Variants in VTCN1 observed in about 807,000 individuals in gnomAD.
The protein encoded by VTCN1 is V-set domain containing T cell activation inhibitor 1, also known as V-set domain-containing T-cell activation inhibitor 1.
A neutral mutation model predicts 26.5 loss-of-function variants in VTCN1; 26 were observed. The ratio of observed to expected loss-of-function variants is 0.98; its 90% confidence interval spans 0.72 to 1.36. The LOEUF (loss-of-function observed/expected upper bound fraction) is 1.36, where lower values mean the gene tolerates loss of function less well. VTCN1 is among the 40% of genes most tolerant of loss of function. The pLI is 0.00. For missense variants in VTCN1, 298 were observed against 337.7 expected, an observed-to-expected ratio of 0.88 and a Z score of 0.92; for synonymous variants, 116 against 130.7, an observed-to-expected ratio of 0.89 and a Z score of 0.77.
chr1:117,170,319 G>C, intron 1 of VTCN1, 148 bp from the exon 2 acceptor site: 1 of 788,828 alleles, frequency 1.3e-6, no homozygotes, highest in Non-Finnish European at 2.2e-6. Flanking sequence ...TCCTAGAAAC[G>C]GGTACCTTAG....
At chr1:117,177,573 A>C (rs1647421535) in intron 1 of VTCN1, among the ~76,000 whole-genome samples, 3 of 152,192 alleles carry the variant, frequency 2.0e-5, no homozygotes. Flanking sequence ...ATGGCAGCAG[A>C]TGGCCAGGCT....
chr1:117,178,382 G>A (rs568926301), intron 1 of VTCN1, among the ~76,000 whole-genome samples: 26 of 150,004 alleles, frequency 1.7e-4, no homozygotes, highest in Non-Finnish European at 3.3e-4. Context: ...TTAGCCTCCT[G>A]AGTAGCTGGG....
At chr1:117,185,634 C>T (rs1205488258) in intron 1 of VTCN1, among the ~76,000 whole-genome samples, 1 of 152,210 alleles carries the variant, frequency 6.6e-6, no homozygotes, top group Admixed American at 6.5e-5. Flanking sequence ...TTACAATCAA[C>T]ACAGGCTTTA....
intron 3 of VTCN1, among the ~76,000 whole-genome samples, chr1:117,154,783 CAAAAA>C (rs916361996): frequency 1.3e-3 from 51 of 39,916 alleles, no homozygotes; most frequent in African/African-American, 3.7e-3. Flanking sequence ...AACTCCATCT[CAAAAA>C]AAAAAAAAAA....
rs1651975498 is a variant in VTCN1 at position 117,154,717 on chromosome 1, A to G, written c.446-1348T>C. Among the ~76,000 whole-genome samples the G allele has an allele frequency of 2.1e-5, 3 of 142,522 alleles. No homozygotes were observed. In the South Asian group the frequency reaches 7.3e-4, roughly 35 times the overall value. The allele number at this position is 142,522 out of a possible 152,430, so 93.5% of individuals were successfully genotyped here. A position where few individuals can be genotyped will look rare whatever the true frequency, so the allele number is the denominator to read the frequency against. On this transcript the variant is annotated intron_variant, in intron 3 of 5. Transcript: ENST00000369458. ...AGAATCACTTGAACCTGGGAGGCGC[A>G]GGTTGCTGTGAGCCGAGATCGTGCT...
At chr1:117,148,781 C>G (rs1651645556) in intron 4 of VTCN1, among the ~76,000 whole-genome samples, 1 of 152,196 alleles carries the variant, frequency 6.6e-6, no homozygotes, top group South Asian at 2.1e-4. Context: ...ACCTTTAGTG[C>G]TGAAAATATG....
At chr1:117,153,393 G>A (rs778521957) in intron 3 of VTCN1, 24 bp from the exon 4 acceptor site, 2 of 1,585,492 alleles carry the variant, frequency 1.3e-6, no homozygotes, top group Middle Eastern at 1.7e-4. Flanking sequence ...AGTCAGAAAG[G>A]GCAGATGCCA....
chr1:117,204,174 G>A (rs764621422), intron 1 of VTCN1, among the ~76,000 whole-genome samples: 7 of 152,120 alleles, frequency 4.6e-5, no homozygotes, highest in Non-Finnish European at 8.8e-5. Context: ...AACATCGGAG[G>A]GAATAATTTG....
rs1651547529 is a variant in VTCN1 at position 117,147,019 on chromosome 1, C to A, written c.*45+594G>T. Among the ~76,000 whole-genome samples, 1 of 152,120 alleles carries A rather than the reference C, an allele frequency of 6.6e-6. No homozygotes were observed. ...GACAAAAATAGCTCTGAGGCTGTAA[C>A]CCTGGAGGCTTGGTGGGGATGCCAC... On this transcript the variant is annotated intron_variant, in intron 5 of 5. Transcript: ENST00000369458. The surrounding 1 kb of genome is among the most constrained non-coding windows in gnomAD (Gnocchi z 4.6).
In VTCN1 at chr1:117,146,536, A is replaced by G. The variant is rs1180755809; in HGVS notation, c.*45+1077T>C. 1.3e-5 allele frequency among the ~76,000 whole-genome samples: 2 copies of G among 152,214 alleles called. No homozygotes were observed. The highest frequency in any genetic ancestry group is 1.3e-4 in the Admixed American group (2 of 15,272). On this transcript the variant is annotated intron_variant, in intron 5 of 5. Transcript: ENST00000369458. This position sits in a 1 kb window ranked among gnomAD's most constrained non-coding sequence, Gnocchi z 4.2. Reference sequence around the variant, plus strand: ...ATACAAAGACTCTTGGGGAGGTGGGATATAAGCTAGGAAGCATTTTCCTAA... The same window carrying G: ...ATACAAAGACTCTTGGGGAGGTGGGGTATAAGCTAGGAAGCATTTTCCTAA...
rs1652788452 is a variant in VTCN1, at chr1:117,169,577, G to T, written c.97+530C>A. Among the ~76,000 whole-genome samples, 1 of 152,146 alleles carries T rather than the reference G, an allele frequency of 6.6e-6. No individual in the cohort carries two copies. The highest frequency in any genetic ancestry group is 1.5e-5 in the Non-Finnish European group (1 of 68,032). On this transcript the variant is annotated intron_variant, in intron 2 of 5. Coordinates refer to ENST00000369458, the MANE Select transcript of VTCN1 (RefSeq NM_024626.4). This position sits in a 1 kb window ranked among gnomAD's most constrained non-coding sequence, Gnocchi z 4.0. ...ATTATCTCAACTAACTGGTGATGTT[G>T]ACAGTATCTCCCCACTCAAAAATGA...
intron 1 of VTCN1, among the ~76,000 whole-genome samples, chr1:117,205,063 ATATATG>A (rs1648975129): frequency 1.4e-5 from 2 of 146,904 alleles, no homozygotes; most frequent in Admixed American, 1.4e-4. Flanking sequence ...ATATATATGT[ATATATG>A]TATATGTACA....
Position 117,147,762 on chromosome 1 carries a change from T to G in VTCN1, c.745A>C (p.Ser249Arg). 6.2e-7 allele frequency: 1 copy of G among 1,613,678 alleles called. No individual in the cohort carries two copies. The change falls in exon 5 of 6, where the codon AGT (serine) becomes CGT (arginine). Residue 249 changes from serine to arginine, a missense_variant. Coordinates refer to ENST00000369458, the MANE Select transcript of VTCN1 (RefSeq NM_024626.4). This position sits in a 1 kb window ranked among gnomAD's most constrained non-coding sequence, Gnocchi z 4.6. ...KVTESEIKRR[S>R]HLQLLNSKAS... ...TTTGAGTTTAGCAGCTGTAGGTGAC[T>G]CCGCCTTTTGATCTCCGATTCTGTG... is the stretch of plus-strand genomic sequence containing the variant.
Position 117,153,304 on chromosome 1 carries a change from G to T in VTCN1, c.511C>A (p.Pro171Thr), listed in dbSNP as rs773853137. ...ACTGTGGGCTGGGGGAACCATCGGGGAGCCTCACACCGCAAGGTCTCTGAG... is the reference window on the plus strand; with the variant it reads ...ACTGTGGGCTGGGGGAACCATCGGGTAGCCTCACACCGCAAGGTCTCTGAG... Reference protein sequence around the residue: ...ASSETLRCEAPRWFPQPTVVW... With the variant: ...ASSETLRCEATRWFPQPTVVW... The change falls in exon 4 of 6, where the codon CCC becomes ACC. Residue 171 changes from proline (P) to threonine (T), a missense_variant. Coordinates refer to ENST00000369458, the MANE Select transcript of VTCN1 (RefSeq NM_024626.4). 3.1e-6 allele frequency: 5 copies of T among 1,614,072 alleles called. No individual in the cohort carries two copies. In the East Asian group the frequency reaches 1.1e-4, roughly 36 times the overall value.
rs963722162 is a variant in VTCN1, at chr1:117,159,813, T to A, written c.98-2892A>T. On this transcript the variant is annotated intron_variant, in intron 2 of 5. Coordinates refer to ENST00000369458, the MANE Select transcript of VTCN1 (RefSeq NM_024626.4). This position sits in a 1 kb window ranked among gnomAD's most constrained non-coding sequence, Gnocchi z 4.7. The stretch of plus-strand genomic sequence containing the variant: ...ATAACTGATTTGATCAAGTTTACAG[T>A]GCTAGCTATAGCATAATGAAGAACT... Among the ~76,000 whole-genome samples the A allele has an allele frequency of 6.6e-6, 1 of 152,230 alleles. No individual in the cohort carries two copies.
Position 117,169,313 on chromosome 1 carries a change from A to G in VTCN1, c.97+794T>C, listed in dbSNP as rs189840726. Among the ~76,000 whole-genome samples, 8 of 152,336 alleles carry G rather than the reference A, an allele frequency of 5.3e-5. No individual in the cohort carries two copies. In the East Asian group the frequency reaches 1.5e-3, roughly 29 times the overall value. On this transcript the variant is annotated intron_variant, in intron 2 of 5. Coordinates refer to ENST00000369458, the MANE Select transcript of VTCN1 (RefSeq NM_024626.4). This position sits in a 1 kb window ranked among gnomAD's most constrained non-coding sequence, Gnocchi z 4.0. Reference sequence around the variant, plus strand: ...CGTTCAGAAACTAACCATCTGTGCTACAGCGGTATCTGTTTCCTACATGGT... The same window carrying G: ...CGTTCAGAAACTAACCATCTGTGCTGCAGCGGTATCTGTTTCCTACATGGT...
intron 1 of VTCN1, among the ~76,000 whole-genome samples, chr1:117,172,171 T>C (rs1054281040): frequency 1.1e-4 from 17 of 152,094 alleles, no homozygotes; most frequent in Admixed American, 7.9e-4. Flanking sequence ...CAAAGAACGA[T>C]GCTATAGAGA....
chr1:117,165,813 C>T (rs1471690564), intron 2 of VTCN1, among the ~76,000 whole-genome samples: 2 of 152,178 alleles, frequency 1.3e-5, no homozygotes. Flanking sequence ...CTGCTTAACG[C>T]TATTTGCTTA....
At chr1:117,176,924 G>T (rs1570965944) in intron 1 of VTCN1, among the ~76,000 whole-genome samples, 1 of 151,982 alleles carries the variant, frequency 6.6e-6, no homozygotes, top group Non-Finnish European at 1.5e-5. Flanking sequence ...CATGGTGAAA[G>T]CCCGTCTCTA....
Sources: allele counts gnomAD v4.1 joint callset (sites outside exome capture counted in the v4.1 genomes callset), GRCh38; gene constraint gnomAD v4.1.1; non-coding constraint Gnocchi (gnomAD v3.1); transcripts MANE v1.5; gene names NCBI Gene and HGNC (gene_info 2026-07-23, HGNC 2026-07-21).